The following MR1 variants were observed in gnomAD, a reference collection of about 807,000 sequenced individuals.
The protein encoded by MR1 is major histocompatibility complex, class I-related.
In MR1, 44 loss-of-function variants were observed where a neutral mutation model predicts 37.8. The ratio of observed to expected loss-of-function variants is 1.16; its 90% CI spans 0.91 to 1.50. The LOEUF (loss-of-function observed/expected upper bound fraction) is 1.50. Among genes scored for constraint, MR1 ranks in the 40% most tolerant of loss-of-function variants. The pLI is 0.00. For synonymous variants in MR1, 153 were observed against 155.8 expected (o/e 0.98, Z 0.13); for missense variants, 386 against 419.1 (o/e 0.92, Z 0.69).
intron 5 of MR1, among the ~76,000 whole-genome samples, chr1:181,054,492 A>G (rs1292220428): frequency 1.3e-5 from 2 of 152,220 alleles, no homozygotes; most frequent in Admixed American, 1.3e-4. Context: ...CTCAACTCCA[A>G]TTCAGGTGAT....
intron 1 of MR1, among the ~76,000 whole-genome samples, chr1:181,042,818 A>T (rs776266212): frequency 1.5e-4 from 23 of 152,094 alleles, no homozygotes; most frequent in Non-Finnish European, 2.8e-4. Context: ...AAAAAGATCC[A>T]GGTTAAATAG....
chr1:181,050,431 G>A (rs564164263), intron 3 of MR1, 145 bp downstream of exon 3: 19 of 1,043,000 alleles, frequency 1.8e-5, no homozygotes, highest in African/African-American at 8.0e-5. Context: ...GAGCCCCCAC[G>A]AAAACTTTCC....
intron 1 of MR1, among the ~76,000 whole-genome samples, chr1:181,034,709 G>C (rs1401968834): frequency 1.3e-5 from 2 of 152,154 alleles, no homozygotes; most frequent in Non-Finnish European, 2.9e-5. Context: ...TTGCTCCCTG[G>C]GCTGAGGACT....
intron 1 of MR1, among the ~76,000 whole-genome samples, chr1:181,046,415 G>T (rs376142091): frequency 6.6e-6 from 1 of 152,186 alleles, no homozygotes; most frequent in African/African-American, 2.4e-5. Flanking sequence ...CTAGCTCAGG[G>T]TTTGTGACTG....
At chr1:181,047,796 A>G (rs1261326628) in intron 1 of MR1, among the ~76,000 whole-genome samples, 1 of 151,254 alleles carries the variant, frequency 6.6e-6, no homozygotes, top group Non-Finnish European at 1.5e-5. Flanking sequence ...GCTACTCAGG[A>G]GGCTGAGGCA....
intron 1 of MR1, among the ~76,000 whole-genome samples, chr1:181,046,289 T>C (rs1383467336): frequency 6.6e-6 from 1 of 152,254 alleles, no homozygotes; most frequent in Non-Finnish European, 1.5e-5. Flanking sequence ...CCAGCTGGGC[T>C]CCTGAGTCTG....
chr1:181,056,356 C>T lies in MR1; in HGVS notation c.*1091C>T, dbSNP rs1658616105. 6.9e-6 allele frequency: 1 copy of T among 144,524 alleles called. No homozygotes were observed. Among genetic ancestry groups the T allele is most frequent in the Non-Finnish European group, 1.5e-5 (1 of 65,646 alleles). The allele number at this position is 144,524 out of a possible 1,614,324, so 9.0% of individuals were successfully genotyped here. On this transcript the variant is annotated 3_prime_UTR_variant, in exon 6 of 6. Transcript: ENST00000367580. ...TCCAGCCTGGCGACAGAGTGAGACT[C>T]TATCTCAAAATAATAATAATAATAA...
chr1:181,056,202 A>G lies in MR1; in HGVS notation c.*937A>G, dbSNP rs1658608002. 6.6e-6 allele frequency: 1 copy of G among 151,848 alleles called. No homozygotes were observed. Among genetic ancestry groups the G allele is most frequent in the African/African-American group, 2.4e-5 (1 of 41,328 alleles). 9.4% of individuals were successfully genotyped at this position (151,848 alleles called of 1,614,324 possible). A position where few individuals can be genotyped will look rare whatever the true frequency, so the allele number is the denominator to read the frequency against. ...AATATGGTGAAACCCTGTCTCTACT[A>G]AAATACAAAAAATTAGCTGGGCATG... On this transcript the variant is annotated 3_prime_UTR_variant, in exon 6 of 6. Coordinates refer to ENST00000367580, the MANE Select transcript of MR1 (RefSeq NM_001385161.1).
chr1:181,052,549 G>A (rs376550039), intron 4 of MR1, 39 bp downstream of exon 4: 2 of 1,592,434 alleles, frequency 1.3e-6, no homozygotes, highest in South Asian at 1.1e-5. Flanking sequence ...GAGAGAGCCT[G>A]GAGAAAGGGG....
chr1:181,051,737 G>C (rs1399715104), intron 3 of MR1, among the ~76,000 whole-genome samples: 1 of 152,200 alleles, frequency 6.6e-6, no homozygotes, highest in African/African-American at 2.4e-5. Flanking sequence ...GTTTGTACCT[G>C]ATGGCAGTCA....
At chr1:181,035,368 A>G (rs1354535750) in intron 1 of MR1, among the ~76,000 whole-genome samples, 1 of 152,064 alleles carries the variant, frequency 6.6e-6, no homozygotes, top group African/African-American at 2.4e-5. Flanking sequence ...TAATTGTTCA[A>G]ATATTGATTG....
Position 181,048,345 on chromosome 1 carries a change from C to A in MR1, c.68-707C>A, listed in dbSNP as rs918855625. On this transcript the variant is annotated intron_variant, in intron 1 of 5. Transcript: ENST00000367580. ...GGTCAGGAGTTTGAGACCAGCCTGG[C>A]CAACATGATGAAACACTGACTCTAC... is the stretch of plus-strand genomic sequence containing the variant. Among the ~76,000 whole-genome samples the A allele has an allele frequency of 5.3e-5, 8 of 151,924 alleles. No homozygotes were observed. In the South Asian group the frequency reaches 1.7e-3, roughly 32 times the overall value.
rs375862138 is a variant in MR1, at chr1:181,049,095, C to T, written c.111C>T (p.Pro37=). The T allele has an allele frequency of 4.3e-6, 7 of 1,613,966 alleles. No homozygotes were observed. The African/African-American group carries it at 9.3e-5, about 22-fold the overall frequency. ...ATTTTCGCCTGGGCGTTTCGGATCC[C>T]ATCCATGGGGTCCCTGAATTTATTT... ...LRYFRLGVSD[P]IHGVPEFISV... The change falls in exon 2 of 6, where the codon CCC becomes CCT. Residue 37 remains proline (P), a synonymous_variant. Transcript: ENST00000367580.
rs547743080 is a variant in MR1, at chr1:181,057,247, G to T, written c.*1982G>T. Reference sequence around the variant, plus strand: ...CTACCACTGTACATCTCTCTTTTCCGGTGCCTGTTGAGTTGCATAGAAGCA... The same window carrying T: ...CTACCACTGTACATCTCTCTTTTCCTGTGCCTGTTGAGTTGCATAGAAGCA... On this transcript the variant is annotated 3_prime_UTR_variant, in exon 6 of 6. Transcript: ENST00000367580. 6.6e-6 allele frequency: 1 copy of T among 152,114 alleles called. No individual in the cohort carries two copies. Among genetic ancestry groups the T allele is most frequent in the Non-Finnish European group, 1.5e-5 (1 of 68,048 alleles). 9.4% of individuals were successfully genotyped at this position (152,114 alleles called of 1,614,324 possible). A position where few individuals can be genotyped will look rare whatever the true frequency, so the allele number is the denominator to read the frequency against.
At chr1:181,039,113 C>T (rs1357933628) in intron 1 of MR1, among the ~76,000 whole-genome samples, 1 of 152,142 alleles carries the variant, frequency 6.6e-6, no homozygotes, top group Admixed American at 6.5e-5. Flanking sequence ...CCTCTCTGCA[C>T]CTATTTTCTA....
chr1:181,042,083 A>G (rs1657582988), intron 1 of MR1, among the ~76,000 whole-genome samples: 2 of 152,178 alleles, frequency 1.3e-5, no homozygotes, highest in African/African-American at 4.8e-5. Flanking sequence ...AAAACTTTCC[A>G]GATGTGAAAA....
At position 181,035,241 on chromosome 1, in the gene MR1, G is replaced by A. The variant is rs749446774; in HGVS notation, c.67+1167G>A. Among the ~76,000 whole-genome samples the A allele has an allele frequency of 1.6e-4, 24 of 152,078 alleles. No individual in the cohort carries two copies. In the South Asian group the frequency reaches 1.9e-3, roughly 12 times the overall value. ...GATCCCAGCTACTCGGGAGACTGAG[G>A]CAGGAGAATCACTTGAACCCAGGAG... On this transcript the variant is annotated intron_variant, in intron 1 of 5. Transcript: ENST00000367580.
chr1:181,040,836 C>A (rs2102367095), intron 1 of MR1, among the ~76,000 whole-genome samples: 1 of 151,430 alleles, frequency 6.6e-6, no homozygotes, highest in South Asian at 2.1e-4. Flanking sequence ...GTAATCCCAG[C>A]ACTTTGGGAG....
At chr1:181,038,361 C>T (rs1657379665) in intron 1 of MR1, among the ~76,000 whole-genome samples, 1 of 152,190 alleles carries the variant, frequency 6.6e-6, no homozygotes, top group African/African-American at 2.4e-5. Context: ...CCAAAGGTCC[C>T]CTTAACTAAA....
Sources: gnomAD v4.1 joint callset for allele counts (sites outside exome capture counted in the v4.1 genomes callset) on GRCh38, gnomAD v4.1.1 for gene constraint, MANE v1.5 for transcripts, NCBI Gene and HGNC (gene_info 2026-07-23, HGNC 2026-07-21) for gene names.